DDX31: variants seen among roughly 807,000 people sequenced by gnomAD.
DDX31 encodes DEAD-box helicase 31, also known as ATP-dependent DNA helicase DDX31.
A neutral mutation model predicts 91.3 loss-of-function variants in DDX31; 70 were observed. The ratio of observed to expected loss-of-function variants is 0.77; its 90% confidence interval spans 0.63 to 0.94. The LOEUF is 0.94. Ranked by LOEUF, DDX31 falls within the 40% of genes least tolerant of loss-of-function variation. The pLI, the probability that DDX31 is intolerant of heterozygous loss-of-function variation, is 0.00. For missense variants in DDX31, 902 were observed against 925.0 expected (o/e 0.98, Z 0.32); for synonymous variants, 362 against 350.6 (o/e 1.03, Z -0.36).
At position 132,656,804 on chromosome 9, in the gene DDX31, C is replaced by A. The variant is rs535771552; in HGVS notation, c.588+1867G>T. Among the ~76,000 whole-genome samples the A allele has an allele frequency of 2.6e-5, 4 of 152,336 alleles. No homozygotes were observed. In the South Asian group the frequency reaches 8.3e-4, roughly 32 times the overall value. On this transcript the variant is annotated intron_variant, in intron 6 of 19. Transcript: ENST00000372159. ...ACTGGTATAAAGAAAAACCTCTCCACTGGCAAGATGCTCTCCTGGAGTACG... is the reference window on the plus strand; with the variant it reads ...ACTGGTATAAAGAAAAACCTCTCCAATGGCAAGATGCTCTCCTGGAGTACG...
chr9:132,634,163 ATTTT>A (rs1832958982), intron 14 of DDX31, among the ~76,000 whole-genome samples: 1 of 152,124 alleles, frequency 6.6e-6, no homozygotes, highest in Non-Finnish European at 1.5e-5. Flanking sequence ...ATCTAGGGGG[ATTTT>A]TACTTTTCTC....
chr9:132,623,858 G>T (rs1832214941), intron 17 of DDX31, among the ~76,000 whole-genome samples: 1 of 151,996 alleles, frequency 6.6e-6, no homozygotes, highest in Admixed American at 6.6e-5. Context: ...TGAAGTATCT[G>T]GGGGAACATT....
chr9:132,618,134 A>G (rs750936145), intron 18 of DDX31, among the ~76,000 whole-genome samples, 196 bp downstream of exon 18: 1 of 152,242 alleles, frequency 6.6e-6, no homozygotes, highest in Non-Finnish European at 1.5e-5. Context: ...GAAGGATGAA[A>G]TTAACATTTA....
At chr9:132,656,300 T>C (rs1353897970) in intron 6 of DDX31, among the ~76,000 whole-genome samples, 1 of 152,220 alleles carries the variant, frequency 6.6e-6, no homozygotes, top group African/African-American at 2.4e-5. Context: ...GTGAATTAAA[T>C]TGAGGCTTGG....
chr9:132,659,628 A>G, intron 5 of DDX31, 82 bp downstream of exon 5: 1 of 1,417,098 alleles, frequency 7.1e-7, no homozygotes, highest in Non-Finnish European at 9.7e-7. Context: ...ACCACCACCA[A>G]CCCAGACACC....
chr9:132,665,367 G>A (rs1160789185), intron 1 of DDX31, among the ~76,000 whole-genome samples: 1 of 151,908 alleles, frequency 6.6e-6, no homozygotes, highest in African/African-American at 2.4e-5. Context: ...CCAAGCCCTT[G>A]AGGAAGTTAC....
At chr9:132,630,914 C>A (rs1421995399) in intron 15 of DDX31, among the ~76,000 whole-genome samples, 1 of 152,212 alleles carries the variant, frequency 6.6e-6, no homozygotes, top group Admixed American at 6.5e-5. Context: ...GGAGCAGGCC[C>A]CAGGAGCTGG....
At chr9:132,658,854 G>A (rs1834753045) in intron 5 of DDX31, 119 bp from the exon 6 acceptor site, 1 of 863,930 alleles carries the variant, frequency 1.2e-6, no homozygotes, top group Non-Finnish European at 1.8e-6. Context: ...TCTAGGGAAA[G>A]GGAAACTGCC....
intron 19 of DDX31, among the ~76,000 whole-genome samples, chr9:132,605,998 T>C (rs527262978): frequency 1.2e-4 from 19 of 152,138 alleles, no homozygotes; most frequent in Non-Finnish European, 2.8e-4. Flanking sequence ...AGGGCTGCTA[T>C]TCATAAAGAC....
intron 1 of DDX31, among the ~76,000 whole-genome samples, chr9:132,669,319 G>A (rs1835553201): frequency 7.1e-6 from 1 of 140,436 alleles, no homozygotes; most frequent in Non-Finnish European, 1.5e-5. Flanking sequence ...ATGTTTAGGG[G>A]TAATATTTTA....
At chr9:132,640,789 T>A (rs1029526900) in intron 14 of DDX31, among the ~76,000 whole-genome samples, 1 of 152,196 alleles carries the variant, frequency 6.6e-6, no homozygotes, top group Non-Finnish European at 1.5e-5. Context: ...CTGGTAGGCA[T>A]GAACCATCAC....
chr9:132,600,974 G>A (rs1056636950), intron 19 of DDX31, among the ~76,000 whole-genome samples: 3 of 152,202 alleles, frequency 2.0e-5, no homozygotes, highest in African/African-American at 7.2e-5. Flanking sequence ...TTAATTCTGT[G>A]AAAGCCTTAT....
intron 19 of DDX31, among the ~76,000 whole-genome samples, chr9:132,601,861 A>C (rs1309763948): frequency 6.6e-6 from 1 of 152,222 alleles, no homozygotes; most frequent in East Asian, 1.9e-4. Flanking sequence ...TTATTTCTCT[A>C]AGTCCCACGT....
chr9:132,665,571 G>C (rs1257116199), intron 1 of DDX31, among the ~76,000 whole-genome samples: 1 of 152,078 alleles, frequency 6.6e-6, no homozygotes, highest in Non-Finnish European at 1.5e-5. Flanking sequence ...GAGGGAGCAA[G>C]GACATATCTG....
intron 19 of DDX31, among the ~76,000 whole-genome samples, chr9:132,605,247 C>T (rs953226864): frequency 2.0e-5 from 3 of 152,132 alleles, no homozygotes; most frequent in South Asian, 2.1e-4. Context: ...AAAAATTTAC[C>T]GAGCACCTAC....
chr9:132,642,186 T>C lies in DDX31; in HGVS notation c.1381-123A>G, dbSNP rs1010878142. 4.7e-6 allele frequency: 4 copies of C among 860,194 alleles called. No individual in the cohort carries two copies. The African/African-American group carries it at 6.8e-5, about 15-fold the overall frequency. The allele number at this position is 860,194 out of a possible 1,614,324, so 53.3% of individuals were successfully genotyped here. A position where few individuals can be genotyped will look rare whatever the true frequency, so the allele number is the denominator to read the frequency against. Reference sequence around the variant, plus strand: ...AGCTATTTTCAGGCACAGAGAGGTTTGCCAGGAAAGAGGAAGAAGCGGATT... The same window carrying C: ...AGCTATTTTCAGGCACAGAGAGGTTCGCCAGGAAAGAGGAAGAAGCGGATT... On this transcript the variant is annotated intron_variant, in intron 13 of 19. Coordinates refer to ENST00000372159, the MANE Select transcript of DDX31 (RefSeq NM_022779.9).
intron 5 of DDX31, among the ~76,000 whole-genome samples, chr9:132,659,244 T>G (rs1302692955): frequency 6.6e-6 from 1 of 152,120 alleles, no homozygotes; most frequent in Non-Finnish European, 1.5e-5. Flanking sequence ...GAGTAAAGGA[T>G]AGCTGACTGC....
intron 1 of DDX31, among the ~76,000 whole-genome samples, chr9:132,662,912 C>T (rs550776977): frequency 1.3e-5 from 2 of 152,216 alleles, no homozygotes; most frequent in Non-Finnish European, 2.9e-5. Context: ...TCTCAGCTCA[C>T]TCATCTACCA....
At chr9:132,638,429 C>T in intron 14 of DDX31, 19 of 1,607,760 alleles carry the variant, frequency 1.2e-5, no homozygotes, top group Non-Finnish European at 1.6e-5. Context: ...CCTTTGATTG[C>T]TTAATTCCAC....
Sources: allele counts gnomAD v4.1 joint callset (sites outside exome capture counted in the v4.1 genomes callset), GRCh38; gene constraint gnomAD v4.1.1; transcripts MANE v1.5; gene names NCBI Gene and HGNC (gene_info 2026-07-23, HGNC 2026-07-21).